Variants in CSMD1 observed in about 807,000 individuals in gnomAD.
The protein encoded by CSMD1 is CUB and sushi domain-containing protein 1.
A neutral mutation model predicts 417.5 loss-of-function variants in CSMD1; 213 were observed. The ratio of observed to expected loss-of-function variants is 0.51; its 90% CI spans 0.46 to 0.57. CSMD1 has a LOEUF of 0.57. CSMD1 is among the 20% of genes least tolerant of loss of function. The pLI, the probability that CSMD1 is intolerant of heterozygous loss-of-function variation, is 0.00. For synonymous variants in CSMD1, 2,862 were observed against 1,736.8 expected, an observed-to-expected ratio of 1.65 and a Z score of -16.11; for missense variants, 6,923 against 4,529.7, an observed-to-expected ratio of 1.53 and a Z score of -15.17.
At chr8:3,191,651 A>G (rs1162573232) in intron 33 of CSMD1, among the ~76,000 whole-genome samples, 2 of 152,132 alleles carry the variant, frequency 1.3e-5, no homozygotes, top group Non-Finnish European at 2.9e-5. Context: ...TGGGTGAGAT[A>G]ACTATTCAGG....
chr8:3,540,874 A>C (rs1308720014), intron 10 of CSMD1, among the ~76,000 whole-genome samples: 1 of 152,220 alleles, frequency 6.6e-6, no homozygotes, highest in African/African-American at 2.4e-5. Context: ...AAAAGTCAAG[A>C]AACAACAGAT....
At chr8:3,969,308 G>T (rs749904955) in intron 5 of CSMD1, among the ~76,000 whole-genome samples, 1 of 152,244 alleles carries the variant, frequency 6.6e-6, no homozygotes, top group Non-Finnish European at 1.5e-5. Flanking sequence ...GGTGGAGAAA[G>T]GGCTTCCCAG....
chr8:3,008,186 C>T (rs960443327), intron 52 of CSMD1, among the ~76,000 whole-genome samples: 3 of 152,114 alleles, frequency 2.0e-5, no homozygotes, highest in Non-Finnish European at 2.9e-5. Context: ...GAAGAAGGCT[C>T]GAGAGGGAGG....
intron 1 of CSMD1, among the ~76,000 whole-genome samples, chr8:4,755,213 A>G (rs1811593687): frequency 6.6e-6 from 1 of 152,244 alleles, no homozygotes; most frequent in Non-Finnish European, 1.5e-5. Flanking sequence ...TCTCATGTCC[A>G]CGCAGTATTT....
chr8:4,093,227 A>G (rs183008977), intron 3 of CSMD1, among the ~76,000 whole-genome samples: 1 of 151,296 alleles, frequency 6.6e-6, no homozygotes, highest in Non-Finnish European at 1.5e-5. Context: ...TAATTTACCT[A>G]TGTTTACATA....
chr8:4,529,880 T>TC (rs1796704317), intron 2 of CSMD1, among the ~76,000 whole-genome samples: 1 of 137,912 alleles, frequency 7.3e-6, no homozygotes, highest in Non-Finnish European at 1.6e-5. Context: ...ATTGTTTTTT[T>TC]TTTTTAAATT....
chr8:3,842,307 G>C (rs960110598), intron 5 of CSMD1, among the ~76,000 whole-genome samples: 1 of 151,944 alleles, frequency 6.6e-6, no homozygotes. Flanking sequence ...CATTCCAGTA[G>C]TTTCTATTGG....
intron 2 of CSMD1, among the ~76,000 whole-genome samples, chr8:4,552,367 AG>A (rs1290813447): frequency 6.6e-6 from 1 of 152,064 alleles, no homozygotes; most frequent in Non-Finnish European, 1.5e-5. Flanking sequence ...GTGAACTTTA[AG>A]GAAGAGCCTA....
intron 49 of CSMD1, among the ~76,000 whole-genome samples, chr8:3,078,441 A>G (rs1813846966): frequency 6.6e-6 from 1 of 152,226 alleles, no homozygotes; most frequent in Non-Finnish European, 1.5e-5. Context: ...TGTCTTCAGT[A>G]AAATGCCTGA....
In CSMD1 at chr8:4,255,513, G is replaced by A. The variant is rs147888799; in HGVS notation, c.415+164440C>T. Among the ~76,000 whole-genome samples, 6 of 152,260 alleles carry A rather than the reference G, an allele frequency of 3.9e-5. No homozygotes were observed. In the East Asian group the frequency reaches 5.8e-4, roughly 15 times the overall value. Reference sequence around the variant, plus strand: ...CTCATTTGAAATGTGCAATAGCAGTGGATTAACCGGTTAAAAGTCGCAATC... The same window carrying A: ...CTCATTTGAAATGTGCAATAGCAGTAGATTAACCGGTTAAAAGTCGCAATC... On this transcript the variant is annotated intron_variant, in intron 3 of 69. Coordinates refer to ENST00000635120, the MANE Select transcript of CSMD1 (RefSeq NM_033225.6).
At chr8:4,793,917 G>A (rs1192054422) in intron 1 of CSMD1, among the ~76,000 whole-genome samples, 2 of 151,982 alleles carry the variant, frequency 1.3e-5, no homozygotes, top group South Asian at 4.2e-4. Flanking sequence ...ATAAAAATGT[G>A]ATGTAAGTTG....
intron 3 of CSMD1, among the ~76,000 whole-genome samples, chr8:4,264,924 T>C (rs745715779): frequency 3.9e-5 from 6 of 152,220 alleles, no homozygotes; most frequent in African/African-American, 9.6e-5. Flanking sequence ...GTCCCATTTC[T>C]AAACTTCTAC....
At chr8:3,451,625 T>C (rs1236508170) in intron 12 of CSMD1, among the ~76,000 whole-genome samples, 4 of 152,220 alleles carry the variant, frequency 2.6e-5, no homozygotes, top group African/African-American at 9.6e-5. Context: ...CAGATACTTG[T>C]AGATATATGG....
At chr8:3,158,482 C>A (rs116636757) in intron 38 of CSMD1, among the ~76,000 whole-genome samples, 1 of 152,016 alleles carries the variant, frequency 6.6e-6, no homozygotes, top group East Asian at 1.9e-4. Flanking sequence ...TATCACAGAA[C>A]GGAGACTTCA....
chr8:4,577,640 A>C (rs929021657), intron 2 of CSMD1, among the ~76,000 whole-genome samples: 2 of 152,212 alleles, frequency 1.3e-5, no homozygotes, highest in Admixed American at 1.3e-4. Context: ...ACACCTCAAC[A>C]CTTCAGTTTC....
chr8:3,168,444 G>A lies in CSMD1; in HGVS notation c.5726-6167C>T, dbSNP rs565783220. Among the ~76,000 whole-genome samples the A allele has an allele frequency of 1.5e-4, 23 of 152,192 alleles. No individual in the cohort carries two copies. The Middle Eastern group carries it at 0.01, about 68-fold the overall frequency. On this transcript the variant is annotated intron_variant, in intron 37 of 69. Coordinates refer to ENST00000635120, the MANE Select transcript of CSMD1 (RefSeq NM_033225.6). ...TTGTTAACTCTTAATTCGAAAAATCGCATTAAAGTTGAGATAATGTGCTGG... is the reference window on the plus strand; with the variant it reads ...TTGTTAACTCTTAATTCGAAAAATCACATTAAAGTTGAGATAATGTGCTGG...
chr8:4,897,841 A>C (rs1466091018), intron 1 of CSMD1, among the ~76,000 whole-genome samples: 2 of 152,198 alleles, frequency 1.3e-5, no homozygotes, highest in African/African-American at 4.8e-5. Flanking sequence ...TATAATGCTA[A>C]GAAGAGAAAG....
intron 12 of CSMD1, among the ~76,000 whole-genome samples, chr8:3,440,941 G>T (rs546269462): frequency 3.3e-5 from 5 of 152,268 alleles, no homozygotes; most frequent in South Asian, 4.2e-4. Context: ...TGGTGACTGT[G>T]ATTTTATTTG....
chr8:4,550,362 A>C (rs996212462), intron 2 of CSMD1, among the ~76,000 whole-genome samples: 32 of 142,226 alleles, frequency 2.2e-4, no homozygotes, highest in Middle Eastern at 3.7e-3. Flanking sequence ...CACACACACA[A>C]ACCCGGTCCC....
Sources: gnomAD v4.1 joint callset for allele counts (sites outside exome capture counted in the v4.1 genomes callset) on GRCh38, gnomAD v4.1.1 for gene constraint, MANE v1.5 for transcripts, NCBI Gene and HGNC (gene_info 2026-07-23, HGNC 2026-07-21) for gene names.